DCDC2C: variants seen among roughly 807,000 people sequenced by gnomAD.
The protein encoded by DCDC2C is doublecortin domain containing 2C.
A neutral mutation model predicts 45.0 loss-of-function variants in DCDC2C; 44 were observed. The ratio of observed to expected loss-of-function variants is 0.98; its 90% CI spans 0.77 to 1.26. DCDC2C has a LOEUF of 1.26. Among genes scored for constraint, DCDC2C ranks in the 50% most tolerant of loss-of-function variants. The pLI is 0.00. For missense variants in DCDC2C, 447 were observed against 468.9 expected (o/e 0.95, Z 0.43); for synonymous variants, 187 against 178.8 (o/e 1.05, Z -0.37).
At chr2:3,739,582 G>T (rs1288819674) in intron 3 of DCDC2C, among the ~76,000 whole-genome samples, 4 of 152,356 alleles carry the variant, frequency 2.6e-5, no homozygotes, top group East Asian at 3.9e-4. Flanking sequence ...ACAGAGTTTG[G>T]CTGGGGCAGT....
At chr2:3,725,776 A>C (rs199659796) in intron 2 of DCDC2C, among the ~76,000 whole-genome samples, 149 of 11,550 alleles carry the variant, frequency 0.013, no homozygotes, top group Admixed American at 0.02. Context: ...GAGGGTGGCC[A>C]GGTGGATCCC....
chr2:3,713,507 G>T (rs1242969578), intron 2 of DCDC2C, among the ~76,000 whole-genome samples: 3 of 152,168 alleles, frequency 2.0e-5, no homozygotes, highest in African/African-American at 7.2e-5. Context: ...AGGGTCAGGG[G>T]AGCTGCATGT....
chr2:3,789,827 A>T (rs1303536210), intron 10 of DCDC2C, among the ~76,000 whole-genome samples: 1 of 152,172 alleles, frequency 6.6e-6, no homozygotes, highest in Non-Finnish European at 1.5e-5. Flanking sequence ...CATGTTTTTG[A>T]AAACTAGGAA....
intron 10 of DCDC2C, among the ~76,000 whole-genome samples, chr2:3,794,480 G>A (rs942722305): frequency 6.6e-6 from 1 of 152,096 alleles, no homozygotes; most frequent in Non-Finnish European, 1.5e-5. Context: ...TCGTCATCTA[G>A]CATTAGGTAT....
At chr2:3,814,489 C>T (rs1465903173) in intron 10 of DCDC2C, among the ~76,000 whole-genome samples, 1 of 152,270 alleles carries the variant, frequency 6.6e-6, no homozygotes, top group African/African-American at 2.4e-5. Flanking sequence ...TTTTTTATTA[C>T]CCATCTTCTA....
intron 10 of DCDC2C, among the ~76,000 whole-genome samples, chr2:3,786,005 C>T (rs997351389): frequency 6.6e-6 from 1 of 152,262 alleles, no homozygotes; most frequent in East Asian, 1.9e-4. Context: ...ATAACAAAAT[C>T]AACCTCCAGG....
intron 10 of DCDC2C, among the ~76,000 whole-genome samples, chr2:3,839,945 CT>C (rs1672170326): frequency 6.6e-6 from 1 of 152,202 alleles, no homozygotes; most frequent in African/African-American, 2.4e-5. Context: ...TAGAACAAAT[CT>C]TTTCCTGCTA....
intron 3 of DCDC2C, among the ~76,000 whole-genome samples, chr2:3,730,671 A>C (rs1187209028): frequency 6.6e-6 from 1 of 152,150 alleles, no homozygotes; most frequent in Non-Finnish European, 1.5e-5. Context: ...AATTGATCAC[A>C]GGTTCATATT....
intron 1 of DCDC2C, among the ~76,000 whole-genome samples, chr2:3,707,241 A>G (rs1246658100): frequency 6.6e-6 from 1 of 152,174 alleles, no homozygotes; most frequent in African/African-American, 2.4e-5. Context: ...TGAAATAATA[A>G]ATAGTATTTT....
At chr2:3,784,674 A>T (rs1488538839) in intron 9 of DCDC2C, among the ~76,000 whole-genome samples, 1 of 152,156 alleles carries the variant, frequency 6.6e-6, no homozygotes, top group African/African-American at 2.4e-5. Context: ...AATAGAATGG[A>T]ATACAATACA....
chr2:3,703,623 C>CGTCCCGTCCT lies in DCDC2C; in HGVS notation c.-129_-128insGTCCCGTCCT. 6 of 938,606 alleles carry CGTCCCGTCCT rather than the reference C, an allele frequency of 6.4e-6. No individual in the cohort carries two copies. The highest frequency in any genetic ancestry group is 8.2e-6 in the Non-Finnish European group (6 of 729,640). The allele number at this position is 938,606 out of a possible 1,614,324, so 58.1% of individuals were successfully genotyped here. ...CCCCCGTCCCGTCCCCGTCCCGTCCCCGTCCTGCGCCAGCGGCTGGAGCGG... is the reference window on the plus strand; with the variant it reads ...CCCCCGTCCCGTCCCCGTCCCGTCCCGTCCCGTCCTCGTCCTGCGCCAGCGGCTGGAGCGG... On this transcript the variant is annotated 5_prime_UTR_variant, in exon 1 of 11. Coordinates refer to ENST00000399143, the MANE Select transcript of DCDC2C (RefSeq NM_001287444.2). This position sits in a 1 kb window ranked among gnomAD's most constrained non-coding sequence, Gnocchi z 4.4.
In DCDC2C at chr2:3,836,786, C is replaced by T. The variant is rs1006077380; in HGVS notation, c.1066-10368C>T. The stretch of plus-strand genomic sequence containing the variant: ...CTGAGGCAGGAGAATGACGTGAACC[C>T]GGGAGGCGGAGCTTGCAGTGAGCCG... On this transcript the variant is annotated intron_variant, in intron 10 of 10. Coordinates refer to ENST00000399143, the MANE Select transcript of DCDC2C (RefSeq NM_001287444.2). Among the ~76,000 whole-genome samples the T allele has an allele frequency of 5.4e-5, 8 of 148,424 alleles. No homozygotes were observed. In the South Asian group the frequency reaches 6.4e-4, roughly 12 times the overall value.
At position 3,807,542 on chromosome 2, in the gene DCDC2C, C is replaced by G. The variant is rs563450045; in HGVS notation, c.1065+22442C>G. On this transcript the variant is annotated intron_variant, in intron 10 of 10. Transcript: ENST00000399143. ...ACCCAGACCACCACTTCATGCCACC[C>G]TTTCCTTCTTGGGTCATTTTATCTT... 3.4e-4 allele frequency among the ~76,000 whole-genome samples: 52 copies of G among 152,050 alleles called. 1 individual carries two copies. In the South Asian group the frequency reaches 0.011, roughly 32 times the overall value.
chr2:3,709,145 G>A (rs1042161437), intron 2 of DCDC2C, among the ~76,000 whole-genome samples: 2 of 152,158 alleles, frequency 1.3e-5, no homozygotes, highest in Non-Finnish European at 2.9e-5. Context: ...AAGCCAGGTA[G>A]CCTGTTGATA....
intron 3 of DCDC2C, among the ~76,000 whole-genome samples, chr2:3,728,384 A>G (rs1318176800): frequency 6.6e-6 from 1 of 152,148 alleles, no homozygotes; most frequent in Non-Finnish European, 1.5e-5. Flanking sequence ...AATAAGACAC[A>G]GTATTTCTGA....
intron 1 of DCDC2C, among the ~76,000 whole-genome samples, chr2:3,707,063 A>C (rs540907539): frequency 6.6e-6 from 1 of 152,198 alleles, no homozygotes; most frequent in South Asian, 2.1e-4. Flanking sequence ...CTTGCACCTC[A>C]TGGTCCCATC....
rs1558210699 is a variant in DCDC2C at position 3,754,632 on chromosome 2, AAAGT to A, written c.726+5_726+8del. On this transcript the variant is annotated splice_donor_variant and coding_sequence_variant, in exon 6 of 11. Transcript: ENST00000399143. LOFTEE classifies it high-confidence loss of function. The stretch of plus-strand genomic sequence containing the variant: ...TGAAAAAAACTCACAGAGAAAGAAA[AAAGT>A]AAGTAACTTTTTAAAACAAGTAAGT... 14 of 1,549,144 alleles carry A rather than the reference AAAGT, an allele frequency of 9.0e-6. No individual in the cohort carries two copies. The highest frequency in any genetic ancestry group is 1.1e-5 in the Non-Finnish European group (13 of 1,146,480).
At chr2:3,736,561 G>A (rs576721330) in intron 3 of DCDC2C, among the ~76,000 whole-genome samples, 1 of 152,152 alleles carries the variant, frequency 6.6e-6, no homozygotes, top group South Asian at 2.1e-4. Context: ...GAGCAGAGGG[G>A]TAGGATTCTT....
intron 10 of DCDC2C, among the ~76,000 whole-genome samples, chr2:3,837,797 T>C (rs1672117894): frequency 6.6e-6 from 1 of 152,004 alleles, no homozygotes; most frequent in Non-Finnish European, 1.5e-5. Flanking sequence ...CGGCCAGCCG[T>C]GTGGAGTCCG....
Sources: allele counts gnomAD v4.1 joint callset (sites outside exome capture counted in the v4.1 genomes callset), GRCh38; gene constraint gnomAD v4.1.1; non-coding constraint Gnocchi (gnomAD v3.1); transcripts MANE v1.5; gene names NCBI Gene and HGNC (gene_info 2026-07-23, HGNC 2026-07-21).